Variants in RAB3IL1 observed in about 807,000 individuals in gnomAD.
RAB3IL1 encodes the protein RAB3A interacting protein like 1, also known as guanine nucleotide exchange factor for Rab-3A.
Under a neutral mutation model 49.2 loss-of-function variants are expected in RAB3IL1, and 37 were observed. The observed-to-expected ratio is 0.75, with a 90% CI of 0.58 to 0.99. RAB3IL1 has a LOEUF of 0.99. Ranked by LOEUF, RAB3IL1 falls within the 50% of genes least tolerant of loss-of-function variation. The pLI, the probability that RAB3IL1 is intolerant of heterozygous loss-of-function variation, is 0.00. For synonymous variants in RAB3IL1, 193 were observed against 213.9 expected (o/e 0.90, Z 0.85); for missense variants, 484 against 513.0 (o/e 0.94, Z 0.55).
At chr11:61,902,657 C>G in intron 7 of RAB3IL1, 116 bp from the exon 8 acceptor site, 1 of 928,544 alleles carries the variant, frequency 1.1e-6, no homozygotes, top group Non-Finnish European at 1.6e-6. Context: ...GCAGGCCTCC[C>G]TTCCCCCACC....
At chr11:61,899,512 A>T in intron 8 of RAB3IL1, 132 bp from the exon 9 acceptor site, 1 of 756,032 alleles carries the variant, frequency 1.3e-6, no homozygotes, top group Non-Finnish European at 2.2e-6. Context: ...CTCAGCTGGG[A>T]CTGGGCTTTC....
At position 61,906,450 on chromosome 11, in the gene RAB3IL1, C is replaced by T. The variant is rs752363680; in HGVS notation, c.657+16G>A. The T allele has an allele frequency of 3.1e-5, 48 of 1,539,542 alleles. No homozygotes were observed. The highest frequency in any genetic ancestry group is 2.9e-4 in the East Asian group (12 of 40,900). On this transcript the variant is annotated intron_variant, in intron 5 of 9. Coordinates refer to ENST00000394836, the MANE Select transcript of RAB3IL1 (RefSeq NM_013401.4). The surrounding 1 kb of genome is among the most constrained non-coding windows in gnomAD (Gnocchi z 4.6). ...GCCACCCTTCCCCGTGCCCAGAGCC[C>T]GCTTCCCACCCTCACCTCCTTGCCC...
the RAB3IL1 span, among the ~76,000 whole-genome samples, chr11:61,935,467 A>G: frequency 6.6e-6 from 1 of 151,950 alleles, no homozygotes; most frequent in Non-Finnish European, 1.5e-5. Flanking sequence ...GGAAGCACAG[A>G]CATTAGACTT....
chr11:61,935,291 G>A, the RAB3IL1 span, among the ~76,000 whole-genome samples: 45 of 151,398 alleles, frequency 3.0e-4, no homozygotes, highest in African/African-American at 9.4e-4. Context: ...GTGGTGGCAC[G>A]CACCTGTGAT....
At chr11:61,908,954 C>T (rs1424635684) in intron 1 of RAB3IL1, among the ~76,000 whole-genome samples, 1 of 152,194 alleles carries the variant, frequency 6.6e-6, no homozygotes, top group Non-Finnish European at 1.5e-5. Flanking sequence ...GGCAAACACC[C>T]CCTTCTCTGG....
At chr11:61,918,014 C>CT (rs1180434747), upstream of RAB3IL1, among the ~76,000 whole-genome samples, 6 of 152,204 alleles carry the variant, frequency 3.9e-5, no homozygotes, top group African/African-American at 1.4e-4. Context: ...GTCCTACTCT[C>CT]TGAGTTTTAT....
rs745512236 is a variant in RAB3IL1 at position 61,904,643 on chromosome 11, G to A, written c.802C>T (p.Arg268Trp). ...AGCGTGTTGTCCTCCACGGCGGCCC[G>A]TACCAGCACCGAGAGCTGTGGCAGA... ...FTMQELSVLV[R>W]AAVEDNTLTI... is the part of the protein sequence containing the mutation. The change falls in exon 7 of 10, where the codon CGG becomes TGG. Residue 268 changes from arginine to tryptophan, a missense_variant. Transcript: ENST00000394836. The A allele has an allele frequency of 7.4e-6, 12 of 1,611,012 alleles. No individual in the cohort carries two copies. Among genetic ancestry groups the A allele is most frequent in the South Asian group, 3.3e-5 (3 of 90,466 alleles).
upstream of RAB3IL1, among the ~76,000 whole-genome samples, chr11:61,917,899 C>T: frequency 6.6e-6 from 1 of 152,200 alleles, no homozygotes; most frequent in Admixed American, 6.5e-5. Context: ...CCTCCCCCCT[C>T]CTCACCCGGC....
chr11:61,936,557 G>T, the RAB3IL1 span, among the ~76,000 whole-genome samples: 1 of 152,140 alleles, frequency 6.6e-6, no homozygotes, highest in East Asian at 1.9e-4. Context: ...GACCAAGCTG[G>T]TCTCAAACTC....
chr11:61,903,188 T>C (rs1272176001), intron 7 of RAB3IL1, among the ~76,000 whole-genome samples: 1 of 151,708 alleles, frequency 6.6e-6, no homozygotes, highest in Non-Finnish European at 1.5e-5. Context: ...TCTGCTCGGC[T>C]CTCTCCTCCT....
At chr11:61,905,925 C>T (rs896075036) in intron 5 of RAB3IL1, among the ~76,000 whole-genome samples, 2 of 152,220 alleles carry the variant, frequency 1.3e-5, no homozygotes, top group African/African-American at 2.4e-5. Flanking sequence ...TCAGCCCAGC[C>T]TGGGCCCAGC....
At chr11:61,903,692 T>C (rs1052619897) in intron 7 of RAB3IL1, among the ~76,000 whole-genome samples, 2 of 152,110 alleles carry the variant, frequency 1.3e-5, no homozygotes, top group African/African-American at 4.8e-5. Context: ...CCCGGCTAAC[T>C]TTTATATCTT....
chr11:61,936,473 C>A, the RAB3IL1 span, among the ~76,000 whole-genome samples: 1 of 152,184 alleles, frequency 6.6e-6, no homozygotes, highest in Non-Finnish European at 1.5e-5. Flanking sequence ...ACGATCTCAG[C>A]TCACTGTAAC....
In RAB3IL1 at chr11:61,904,851, G is replaced by A; in HGVS notation, c.689C>T (p.Ala230Val). Residue 230 changes from alanine to valine, a missense_variant, in exon 6 of 10, where the codon GCC becomes GTC. Transcript: ENST00000394836. ...VDTILFAEFQ[A>V]WRESPTLDKT... ...GTCCAGGGTGGGGGATTCCCTCCAG[G>A]CCTGGAACTCTGCAAACAGGATTGT... is the stretch of plus-strand genomic sequence containing the variant. 6.2e-7 allele frequency: 1 copy of A among 1,607,408 alleles called. No individual in the cohort carries two copies. Among genetic ancestry groups the A allele is most frequent in the South Asian group, 1.1e-5 (1 of 89,954 alleles).
At chr11:61,936,711 AAC>A in the RAB3IL1 span, among the ~76,000 whole-genome samples, 2 of 152,264 alleles carry the variant, frequency 1.3e-5, no homozygotes, top group African/African-American at 4.8e-5. Context: ...CAATAAGATT[AAC>A]AGTTTATTTC....
chr11:61,911,208 A>G (rs998134700), intron 1 of RAB3IL1, among the ~76,000 whole-genome samples: 4 of 152,170 alleles, frequency 2.6e-5, no homozygotes, highest in Non-Finnish European at 5.9e-5. Context: ...CATCACCCCC[A>G]GTAGAAGAGC....
rs560673184 is a variant in RAB3IL1, at chr11:61,916,842, C to CG, written c.11+514dup. Among the ~76,000 whole-genome samples the CG allele has an allele frequency of 1.5e-3, 221 of 148,394 alleles. 1 individual carries two copies. Among genetic ancestry groups the CG allele is most frequent in the East Asian group, 3.4e-3 (16 of 4,716 alleles). ...CCCACTCCAGGCTGCGGGGCCGGGG[C>CG]GGGGGGGGTTCCCACTCCACACCTC... On this transcript the variant is annotated intron_variant, in intron 1 of 9. Transcript: ENST00000394836.
At position 61,908,273 on chromosome 11, in the gene RAB3IL1, G is replaced by A; in HGVS notation, c.45C>T (p.Pro15=). 3 of 1,503,318 alleles carry A rather than the reference G, an allele frequency of 2.0e-6. No homozygotes were observed. The highest frequency in any genetic ancestry group is 2.7e-6 in the Non-Finnish European group (3 of 1,128,046). 93.1% of individuals were successfully genotyped at this position (1,503,318 alleles called of 1,614,324 possible). ...TCCAGGGGACCGGGACAGCTGCAAGGGGCGGCGGGAGGCCCTGGTCTGGCT... is the reference window on the plus strand; with the variant it reads ...TCCAGGGGACCGGGACAGCTGCAAGAGGCGGCGGGAGGCCCTGGTCTGGCT... ...PPQPDQGLPP[P]LAAVPVPWKS... Residue 15 remains proline (P), a synonymous_variant, in exon 2 of 10, where the codon CCC becomes CCT. Transcript: ENST00000394836.
chr11:61,903,005 C>T (rs115231431), intron 7 of RAB3IL1, among the ~76,000 whole-genome samples: 8 of 152,102 alleles, frequency 5.3e-5, no homozygotes, highest in Non-Finnish European at 1.0e-4. Flanking sequence ...GGTTCTCAGC[C>T]GCATGCCAAC....
Sources: allele counts gnomAD v4.1 joint callset (sites outside exome capture counted in the v4.1 genomes callset), GRCh38; gene constraint gnomAD v4.1.1; non-coding constraint Gnocchi (gnomAD v3.1); transcripts MANE v1.5; gene names NCBI Gene and HGNC (gene_info 2026-07-23, HGNC 2026-07-21).